TCN2: variants seen among roughly 807,000 people sequenced by gnomAD.
TCN2 encodes transcobalamin-2.
A neutral mutation model predicts 48.6 loss-of-function variants in TCN2; 34 were observed. The observed-to-expected ratio is 0.70, with a 90% CI of 0.53 to 0.93. The LOEUF (loss-of-function observed/expected upper bound fraction) is 0.93. TCN2 is among the 40% of genes least tolerant of loss of function. The pLI is 0.00. For synonymous variants in TCN2, 283 were observed against 212.5 expected, an observed-to-expected ratio of 1.33 and a Z score of -2.89; for missense variants, 652 against 526.1, an observed-to-expected ratio of 1.24 and a Z score of -2.34.
At chr22:30,611,090 T>C (rs560106337) in intron 2 of TCN2, 27 bp downstream of exon 2, 17 of 1,613,768 alleles carry the variant, frequency 1.1e-5, no homozygotes, top group East Asian at 4.5e-5. Flanking sequence ...TTTTTCCATG[T>C]CTTGCTCCAC....
Position 30,617,421 on chromosome 22 carries a change from A to T in TCN2, c.1032A>T (p.Arg344Ser), listed in dbSNP as rs763471940. The change falls in exon 7 of 9, where the codon AGA (arginine) becomes AGT (serine). Residue 344 changes from arginine (R) to serine (S), a missense_variant. Transcript: ENST00000215838. ...LQVLSLLPPYRQSISVLAGST... is the reference protein window; with the variant it reads ...LQVLSLLPPYSQSISVLAGST... ...TGCTTAGTCTCTTGCCGCCGTACAG[A>T]CAGTCCATCTCTGTTCTGGCCGGGT... The T allele has an allele frequency of 5.0e-6, 8 of 1,613,984 alleles. No homozygotes were observed. In the South Asian group the frequency reaches 8.8e-5, roughly 18 times the overall value.
chr22:30,614,564 A>G, intron 4 of TCN2, 63 bp downstream of exon 4: 8 of 1,603,554 alleles, frequency 5.0e-6, no homozygotes, highest in Non-Finnish European at 4.3e-6. Context: ...GTCTGCACTG[A>G]TGACCTCCAT....
In TCN2 at chr22:30,623,905, T is replaced by TATATACACACACATATATGTATAC. The variant is rs1569046782; in HGVS notation, c.1222+827_1222+828insCACACACATATATGTATACATATA. 8.5e-4 allele frequency among the ~76,000 whole-genome samples: 20 copies of TATATACACACACATATATGTATAC among 23,630 alleles called. 6 individuals carry two copies. The highest frequency in any genetic ancestry group is 3.2e-3 in the East Asian group (5 of 1,562). 15.5% of individuals were successfully genotyped at this position (23,630 alleles called of 152,430 possible). ...ATATACACACATATATATGTATACA[T>TATATACACACACATATATGTATAC]ATATATACACACATATATATGTATA... On this transcript the variant is annotated intron_variant, in intron 8 of 8. Coordinates refer to ENST00000215838, the MANE Select transcript of TCN2 (RefSeq NM_000355.4).
intron 8 of TCN2, among the ~76,000 whole-genome samples, chr22:30,623,546 C>T (rs925671628): frequency 2.6e-5 from 4 of 151,664 alleles, no homozygotes; most frequent in African/African-American, 9.7e-5. Context: ...GCCACCGCAC[C>T]CAGCCAAAAT....
At chr22:30,623,827 C>CATATAT (rs2087744626) in intron 8 of TCN2, among the ~76,000 whole-genome samples, 1 of 26,946 alleles carries the variant, frequency 3.7e-5, no homozygotes. Flanking sequence ...CACACATACA[C>CATATAT]ACACATATAC....
intron 5 of TCN2, 63 bp from the exon 6 acceptor site, chr22:30,615,538 C>G (rs1398583127): frequency 6.2e-7 from 1 of 1,613,760 alleles, no homozygotes; most frequent in African/African-American, 1.3e-5. Flanking sequence ...TGGTCAGGTG[C>G]TGGAACACCT....
intron 1 of TCN2, among the ~76,000 whole-genome samples, chr22:30,608,284 T>G (rs1206403259): frequency 1.3e-5 from 2 of 152,220 alleles, no homozygotes; most frequent in Non-Finnish European, 2.9e-5. Flanking sequence ...AGGTGTCAAG[T>G]GAAGAAGTCG....
chr22:30,622,050 C>T (rs1055083831), intron 7 of TCN2, among the ~76,000 whole-genome samples: 8 of 152,086 alleles, frequency 5.3e-5, no homozygotes, highest in African/African-American at 1.7e-4. Flanking sequence ...TACAATGGTA[C>T]GATCTCAGCT....
chr22:30,618,487 C>T (rs2009862), intron 7 of TCN2, among the ~76,000 whole-genome samples: 100,248 of 151,824 alleles, frequency 0.66, 34,099 homozygotes, highest in African/African-American at 0.84. Context: ...GAGTAGCTGG[C>T]GCTACAGGCG....
chr22:30,617,256 G>T, intron 6 of TCN2, 74 bp from the exon 7 acceptor site: 1 of 1,602,718 alleles, frequency 6.2e-7, no homozygotes. Context: ...GTGTCCTTGA[G>T]GGAAGACAAG....
intron 1 of TCN2, 114 bp from the exon 2 acceptor site, chr22:30,610,757 G>A: frequency 2.8e-6 from 3 of 1,085,236 alleles, no homozygotes; most frequent in South Asian, 1.3e-5. Context: ...TGTGTGCTGG[G>A]TGGAGGTGGG....
intron 7 of TCN2, among the ~76,000 whole-genome samples, chr22:30,618,438 G>A (rs764706931): frequency 1.2e-4 from 18 of 150,840 alleles, no homozygotes; most frequent in Admixed American, 2.0e-4. Flanking sequence ...TGCAACCTCC[G>A]TCTCCTGGGT....
rs757114327 is a variant in TCN2 at position 30,607,368 on chromosome 22, GT to G, written c.38del (p.Val13AlafsTer19). 6.2e-7 allele frequency: 1 copy of G among 1,614,156 alleles called. No individual in the cohort carries two copies. The highest frequency in any genetic ancestry group is 1.3e-5 in the African/African-American group (1 of 75,028). ...TGGGGCCTTCCTCTTCCTTCTGGGG[GT>G]CCTGGGGGCCCTCACTGAGATGTGT... Reference protein sequence around the residue: ...HLGAFLFLLGVLGALTEMCEI... With the variant: ...HLGAFLFLLGXLGALTEMCEI... On this transcript the variant is annotated frameshift_variant, in exon 1 of 9. Coordinates refer to ENST00000215838, the MANE Select transcript of TCN2 (RefSeq NM_000355.4). LOFTEE classifies it high-confidence loss of function.
intron 3 of TCN2, 145 bp from the exon 4 acceptor site, chr22:30,614,204 C>T (rs984651621): frequency 2.3e-5 from 25 of 1,094,178 alleles, no homozygotes; most frequent in African/African-American, 4.7e-5. Flanking sequence ...GACCTCAGCA[C>T]GTATGGGCTG....
rs1415576117 is a variant in TCN2 at position 30,612,859 on chromosome 22, T to G, written c.258-14T>G. The G allele has an allele frequency of 2.5e-6, 4 of 1,612,824 alleles. No individual in the cohort carries two copies. Among genetic ancestry groups the G allele is most frequent in the Non-Finnish European group, 3.4e-6 (4 of 1,179,962 alleles). ...GGCAGTTTCTCACAAAGGCATTAAC[T>G]GGCCTTGTCCTAGGTCTGCCTTCAG... is the stretch of plus-strand genomic sequence containing the variant. On this transcript the variant is annotated splice_polypyrimidine_tract_variant and intron_variant, in intron 2 of 8. Transcript: ENST00000215838.
chr22:30,615,739 C>G lies in TCN2; in HGVS notation c.892C>G (p.His298Asp). 6.2e-7 allele frequency: 1 copy of G among 1,614,230 alleles called. No individual in the cohort carries two copies. The highest frequency in any genetic ancestry group is 8.5e-7 in the Non-Finnish European group (1 of 1,180,040). The change falls in exon 6 of 9, where the codon CAC becomes GAC. Residue 298 changes from histidine (H) to aspartate (D), a missense_variant. His to Asp is a moderately conservative substitution (Grantham distance 81, BLOSUM62 -1). Coordinates refer to ENST00000215838, the MANE Select transcript of TCN2 (RefSeq NM_000355.4). ...MISQLLPVLN[H>D]KTYIDLIFPD... is the part of the protein sequence containing the mutation. The stretch of plus-strand genomic sequence containing the variant: ...TTCCCAGCTGCTGCCCGTTCTGAAC[C>G]ACAAGACCTACATTGATCTGATCTT...
Position 30,615,774 on chromosome 22 carries a change from T to G in TCN2, c.927T>G (p.Cys309Trp), listed in dbSNP as rs1335580225. The change falls in exon 6 of 9, where the codon TGT becomes TGG. Residue 309 changes from cysteine (C) to tryptophan (W), a missense_variant. Transcript: ENST00000215838. ...KTYIDLIFPD[C>W]LAPRVMLEPA... Reference sequence around the variant, plus strand: ...ACATTGATCTGATCTTCCCAGACTGTCTGGCACCACGAGGTAGCCCAACTT... The same window carrying G: ...ACATTGATCTGATCTTCCCAGACTGGCTGGCACCACGAGGTAGCCCAACTT... The G allele has an allele frequency of 6.2e-7, 1 of 1,614,180 alleles. No homozygotes were observed. The highest frequency in any genetic ancestry group is 8.5e-7 in the Non-Finnish European group (1 of 1,180,006).
chr22:30,624,548 C>T lies in TCN2; in HGVS notation c.1222+1465C>T, dbSNP rs182426505. ...CCCACAAAAAAGCATTCTTTTCTTGCCCTCATTCTGAATAAATTGAGGAAT... is the reference window on the plus strand; with the variant it reads ...CCCACAAAAAAGCATTCTTTTCTTGTCCTCATTCTGAATAAATTGAGGAAT... On this transcript the variant is annotated intron_variant, in intron 8 of 8. Coordinates refer to ENST00000215838, the MANE Select transcript of TCN2 (RefSeq NM_000355.4). Among the ~76,000 whole-genome samples, 741 of 151,370 alleles carry T rather than the reference C, an allele frequency of 4.9e-3. 6 individuals are homozygous for T. The highest frequency in any genetic ancestry group is 0.026 in the South Asian group (125 of 4,792).
intron 8 of TCN2, among the ~76,000 whole-genome samples, chr22:30,624,639 G>A (rs950048425): frequency 6.6e-6 from 1 of 152,174 alleles, no homozygotes; most frequent in African/African-American, 2.4e-5. Context: ...AAGACAGGAG[G>A]GTGAGAGCTA....
Sources: allele counts gnomAD v4.1 joint callset (sites outside exome capture counted in the v4.1 genomes callset), GRCh38; gene constraint gnomAD v4.1.1; transcripts MANE v1.5; gene names NCBI Gene and HGNC (gene_info 2026-07-23, HGNC 2026-07-21).